The following DCC variants were observed in gnomAD, a reference collection of about 807,000 sequenced individuals.
The protein encoded by DCC is netrin receptor DCC.
A neutral mutation model predicts 172.5 loss-of-function variants in DCC; 58 were observed. The observed-to-expected ratio is 0.34, with a 90% CI of 0.27 to 0.42. DCC has a LOEUF of 0.42. DCC is among the 10% of genes least tolerant of loss of function. The pLI is 1.00. For synonymous variants in DCC, 709 were observed against 644.5 expected (o/e 1.10, Z -1.52); for missense variants, 1,740 against 1,791.0 (o/e 0.97, Z 0.51).
At chr18:52,724,778 A>C (rs1482855809) in intron 1 of DCC, among the ~76,000 whole-genome samples, 2 of 152,182 alleles carry the variant, frequency 1.3e-5, no homozygotes, top group African/African-American at 4.8e-5. Context: ...ACACAGCTTC[A>C]GCACAGGTAA....
chr18:52,630,318 T>A (rs1241677542), intron 1 of DCC, among the ~76,000 whole-genome samples: 3 of 152,180 alleles, frequency 2.0e-5, no homozygotes, highest in Non-Finnish European at 4.4e-5. Flanking sequence ...ATTCTGGGGA[T>A]CGAATTCCTT....
rs564326008 is a variant in DCC at position 52,499,027 on chromosome 18, C to T, written c.91+158149C>T. ...TGACATCTTCTCTGACCGTACCACC[C>T]GGAATCATTTTCCTGTCCATGATGT... On this transcript the variant is annotated intron_variant, in intron 1 of 28. Transcript: ENST00000442544. Among the ~76,000 whole-genome samples, 16 of 152,288 alleles carry T rather than the reference C, an allele frequency of 1.1e-4. No individual in the cohort carries two copies. In the South Asian group the frequency reaches 1.2e-3, roughly 12 times the overall value.
At chr18:53,117,074 G>A (rs1403298780) in intron 7 of DCC, among the ~76,000 whole-genome samples, 1 of 151,606 alleles carries the variant, frequency 6.6e-6, no homozygotes, top group African/African-American at 2.4e-5. Flanking sequence ...TCTTTCAAAT[G>A]TCAAAAGAGA....
chr18:52,831,341 T>C (rs577609859), intron 2 of DCC, among the ~76,000 whole-genome samples: 1 of 152,196 alleles, frequency 6.6e-6, no homozygotes, highest in Non-Finnish European at 1.5e-5. Context: ...TTGTATGAAA[T>C]GAAAAGCCAA....
chr18:53,416,093 T>C, intron 20 of DCC, 31 bp from the exon 21 acceptor site: 1 of 1,575,458 alleles, frequency 6.3e-7, no homozygotes, highest in Non-Finnish European at 8.7e-7. Context: ...ACTGTCAAAG[T>C]CTAATAATGT....
At chr18:52,986,095 C>A (rs180686937) in intron 5 of DCC, among the ~76,000 whole-genome samples, 80 of 152,212 alleles carry the variant, frequency 5.3e-4, no homozygotes, top group African/African-American at 1.9e-3. Flanking sequence ...GTCTCTGTCA[C>A]CATGGAAAAT....
intron 5 of DCC, among the ~76,000 whole-genome samples, chr18:53,047,428 C>CATAT (rs58797605): frequency 0.093 from 4,639 of 49,922 alleles, 481 homozygotes; most frequent in Non-Finnish European, 0.12. Flanking sequence ...ATATATTTTA[C>CATAT]ATATATATAT....
intron 1 of DCC, among the ~76,000 whole-genome samples, chr18:52,669,621 A>G (rs376190183): frequency 2.6e-5 from 4 of 152,242 alleles, no homozygotes; most frequent in African/African-American, 9.6e-5. Context: ...TGCCCTCCAC[A>G]TTGGCAAATA....
chr18:53,249,509 T>C (rs2056403665), intron 12 of DCC, among the ~76,000 whole-genome samples: 1 of 151,822 alleles, frequency 6.6e-6, no homozygotes. Flanking sequence ...TTAAAACATA[T>C]GTGTAAAATT....
At chr18:52,798,727 G>A (rs1365529460) in intron 2 of DCC, among the ~76,000 whole-genome samples, 1 of 150,242 alleles carries the variant, frequency 6.7e-6, no homozygotes. Context: ...TGTATTTAGA[G>A]CCCCAAACCA....
chr18:53,130,641 T>C (rs2043637470), intron 7 of DCC, among the ~76,000 whole-genome samples: 1 of 152,002 alleles, frequency 6.6e-6, no homozygotes, highest in Non-Finnish European at 1.5e-5. Flanking sequence ...CGAACAATTG[T>C]CTTGTTTTCA....
chr18:53,069,921 TG>T (rs551394237), intron 7 of DCC, among the ~76,000 whole-genome samples: 18 of 151,034 alleles, frequency 1.2e-4, no homozygotes, highest in East Asian at 1.2e-3. Flanking sequence ...GTTGTGGGGT[TG>T]GGGGGGGTTG....
At chr18:52,848,518 T>C (rs1598863993) in intron 2 of DCC, among the ~76,000 whole-genome samples, 1 of 152,222 alleles carries the variant, frequency 6.6e-6, no homozygotes, top group East Asian at 1.9e-4. Context: ...TATCAAACTT[T>C]CGTATTTTTT....
chr18:53,523,127 A>G lies in DCC; in HGVS notation c.4112-3490A>G, dbSNP rs1309416930. The stretch of plus-strand genomic sequence containing the variant: ...AAAAGATATGAACAGGCACTTCTCA[A>G]GAGAAGACATTTATGCAGCCAACAA... On this transcript the variant is annotated intron_variant, in intron 27 of 28. Coordinates refer to ENST00000442544, the MANE Select transcript of DCC (RefSeq NM_005215.4). Among the ~76,000 whole-genome samples the G allele has an allele frequency of 2.6e-5, 4 of 152,222 alleles. No homozygotes were observed. The East Asian group carries it at 7.7e-4, about 29-fold the overall frequency.
At chr18:53,441,038 G>T (rs1206431603) in intron 22 of DCC, among the ~76,000 whole-genome samples, 1 of 152,188 alleles carries the variant, frequency 6.6e-6, no homozygotes, top group Non-Finnish European at 1.5e-5. Context: ...CCCACTGGAT[G>T]CCAGTAATAT....
chr18:53,029,262 TTAA>T (rs1325594206), intron 5 of DCC, among the ~76,000 whole-genome samples: 14 of 152,170 alleles, frequency 9.2e-5, no homozygotes, highest in African/African-American at 3.4e-4. Context: ...ATATGGGGGA[TTAA>T]TAATTTTGCT....
intron 19 of DCC, among the ~76,000 whole-genome samples, chr18:53,409,187 A>C (rs1290263328): frequency 6.6e-6 from 1 of 152,104 alleles, no homozygotes; most frequent in Non-Finnish European, 1.5e-5. Flanking sequence ...GGAATGGAGA[A>C]TAGTCTTCCT....
At chr18:52,597,532 T>G (rs1269250072) in intron 1 of DCC, among the ~76,000 whole-genome samples, 1 of 152,214 alleles carries the variant, frequency 6.6e-6, no homozygotes, top group East Asian at 1.9e-4. Flanking sequence ...CTGTTCAACC[T>G]TCCTTTTAGC....
intron 12 of DCC, among the ~76,000 whole-genome samples, chr18:53,274,929 G>C (rs2144715033): frequency 6.6e-6 from 1 of 152,220 alleles, no homozygotes; most frequent in East Asian, 1.9e-4. Context: ...GGGAAGCACT[G>C]AGCCTCAGAC....
Sources: gnomAD v4.1 joint callset for allele counts (sites outside exome capture counted in the v4.1 genomes callset) on GRCh38, gnomAD v4.1.1 for gene constraint, MANE v1.5 for transcripts, NCBI Gene and HGNC (gene_info 2026-07-23, HGNC 2026-07-21) for gene names.